The following HOXC4 variants were observed in gnomAD, a reference collection of about 807,000 sequenced individuals.
HOXC4 encodes the protein homeobox C4.
Under a neutral mutation model 25.5 loss-of-function variants are expected in HOXC4, and 15 were observed. That is an observed-to-expected ratio of 0.59 (90% CI 0.39 to 0.91). The LOEUF (loss-of-function observed/expected upper bound fraction) is 0.91, where lower values mean the gene tolerates loss of function less well. Ranked by LOEUF, HOXC4 falls within the 40% of genes least tolerant of loss-of-function variation. HOXC4 has a pLI of 0.00. For missense variants in HOXC4, 342 were observed against 352.4 expected, an observed-to-expected ratio of 0.97 and a Z score of 0.24; for synonymous variants, 165 against 148.0, an observed-to-expected ratio of 1.11 and a Z score of -0.83.
In HOXC4 at chr12:54,054,932, G is replaced by A; in HGVS notation, c.522G>A (p.Glu174=). 12 of 1,614,074 alleles carry A rather than the reference G, an allele frequency of 7.4e-6. No homozygotes were observed. The highest frequency in any genetic ancestry group is 1.0e-5 in the Non-Finnish European group (12 of 1,180,026). The part of the protein sequence containing the change: ...TRQQVLELEK[E]FHYNRYLTRR... ...AGCAAGTCCTGGAATTAGAGAAAGA[G>A]TTTCATTACAACCGCTACCTGACCC... Residue 174 remains glutamate (E), a synonymous_variant, in exon 2 of 2, where the codon GAG becomes GAA. Coordinates refer to ENST00000430889, the MANE Select transcript of HOXC4 (RefSeq NM_153633.3).
At chr12:54,034,551 C>G in intron 1 of HOXC4, 1 of 1,388,562 alleles carries the variant, frequency 7.2e-7, no homozygotes, top group South Asian at 1.2e-5. Flanking sequence ...CTGCGCCTTT[C>G]CTTTTCGCCT....
chr12:54,031,454 T>A lies in HOXC4; in HGVS notation c.-124+14040T>A, dbSNP rs140462456. On this transcript the variant is annotated intron_variant, in intron 1 of 3. Coordinates refer to the HOXC4 transcript ENST00000303406. Reference sequence around the variant, plus strand: ...TACTCCTGACGTGGCCGGGACAAAATTCCTTCTTCATTACAGCTCCAGCCG... The same window carrying A: ...TACTCCTGACGTGGCCGGGACAAAAATCCTTCTTCATTACAGCTCCAGCCG... Among the ~76,000 whole-genome samples, 441 of 152,240 alleles carry A rather than the reference T, an allele frequency of 2.9e-3. 3 individuals are homozygous for A. The highest frequency in any genetic ancestry group is 9.7e-3 in the African/African-American group (404 of 41,522).
intron 1 of HOXC4, among the ~76,000 whole-genome samples, chr12:54,044,965 T>A (rs1937669443): frequency 6.6e-6 from 1 of 152,182 alleles, no homozygotes; most frequent in African/African-American, 2.4e-5. Context: ...CAGGAAGCTT[T>A]CAGGCCCAGG....
chr12:54,040,738 A>G (rs771280258), intron 1 of HOXC4, among the ~76,000 whole-genome samples: 11 of 152,206 alleles, frequency 7.2e-5, no homozygotes. Context: ...CCATACACTT[A>G]CAAGTATTCA....
At chr12:54,045,031 A>G (rs1024815592) in intron 1 of HOXC4, among the ~76,000 whole-genome samples, 3 of 152,184 alleles carry the variant, frequency 2.0e-5, no homozygotes, top group Non-Finnish European at 4.4e-5. Flanking sequence ...GAAATATGTC[A>G]TAGATTATAT....
At chr12:54,033,882 G>T in intron 1 of HOXC4, 1 of 490,394 alleles carries the variant, frequency 2.0e-6, no homozygotes, top group Non-Finnish European at 3.8e-6. Flanking sequence ...ATCCCCCCGC[G>T]GCTCCCTCCC....
chr12:54,041,910 G>A (rs958773286), intron 1 of HOXC4, among the ~76,000 whole-genome samples: 2 of 151,338 alleles, frequency 1.3e-5, no homozygotes, highest in Admixed American at 6.6e-5. Context: ...TAATCCACAC[G>A]CCTCATCCTC....
rs780924215 is a variant in HOXC4 at position 54,054,840 on chromosome 12, CT to C, written c.440-9del. ...CTGAACCCCACTATTTGCTTTTCCC[CT>C]CCCCCCAGTGAACCCCAATTATAAC... On this transcript the variant is annotated splice_polypyrimidine_tract_variant and intron_variant, in intron 1 of 1. Coordinates refer to ENST00000430889, the MANE Select transcript of HOXC4 (RefSeq NM_153633.3). 1.7e-5 allele frequency: 27 copies of C among 1,588,922 alleles called. No individual in the cohort carries two copies. The East Asian group carries it at 2.0e-4, about 12-fold the overall frequency.
At chr12:54,023,794 G>C (rs1452437783) in intron 1 of HOXC4, among the ~76,000 whole-genome samples, 2 of 152,138 alleles carry the variant, frequency 1.3e-5, no homozygotes, top group African/African-American at 4.8e-5. Flanking sequence ...GTGTGTAGCG[G>C]GGGCAGGTAT....
At chr12:54,035,462 T>A (rs1437055884) in intron 1 of HOXC4, 2 of 152,336 alleles carry the variant, frequency 1.3e-5, no homozygotes, top group Non-Finnish European at 2.9e-5. Context: ...GCCACCCCTT[T>A]AAAAAATTTT....
At chr12:54,024,552 C>G (rs916704568) in intron 1 of HOXC4, among the ~76,000 whole-genome samples, 5 of 152,214 alleles carry the variant, frequency 3.3e-5, no homozygotes, top group Admixed American at 6.5e-5. Context: ...TCTCATCCCT[C>G]TCACTTCAAA....
chr12:54,028,445 C>A, intron 1 of HOXC4: 1 of 1,477,318 alleles, frequency 6.8e-7, no homozygotes, highest in Non-Finnish European at 9.2e-7. Context: ...TCCCTATAAC[C>A]ATCTAGTTCC....
chr12:54,033,252 G>T (rs1941056740), intron 1 of HOXC4: 3 of 1,614,156 alleles, frequency 1.9e-6, no homozygotes, highest in Non-Finnish European at 2.5e-6. Flanking sequence ...CGGCGGATTG[G>T]ACTTAAGCAT....
At chr12:54,028,915 C>T (rs1449386202) in intron 1 of HOXC4, 1 of 1,608,770 alleles carries the variant, frequency 6.2e-7, no homozygotes, top group Non-Finnish European at 8.5e-7. Flanking sequence ...AATGAATTCG[C>T]ACAGTGGTGA....
chr12:54,044,855 C>G (rs946202273), intron 1 of HOXC4, among the ~76,000 whole-genome samples: 3 of 152,160 alleles, frequency 2.0e-5, no homozygotes. Flanking sequence ...TCCCCCACCC[C>G]CTGGCTGGCA....
intron 1 of HOXC4, among the ~76,000 whole-genome samples, chr12:54,037,624 C>T (rs1486803674): frequency 1.3e-5 from 2 of 152,326 alleles, no homozygotes; most frequent in Non-Finnish European, 2.9e-5. Context: ...CCCTCTCCCC[C>T]CTCTCCACCC....
At chr12:54,050,897 C>A (rs74445589), upstream of HOXC4, among the ~76,000 whole-genome samples, 1 of 152,040 alleles carries the variant, frequency 6.6e-6, no homozygotes, top group East Asian at 1.9e-4. Flanking sequence ...ATAGTGTGCA[C>A]GCATATATGT....
intron 1 of HOXC4, among the ~76,000 whole-genome samples, chr12:54,046,630 C>A: frequency 6.6e-6 from 1 of 152,020 alleles, no homozygotes; most frequent in East Asian, 1.9e-4. Context: ...ATAAGCAGAG[C>A]AATGTTTATT....
intron 1 of HOXC4, chr12:54,020,801 A>G (rs1940400089): frequency 6.6e-6 from 1 of 152,144 alleles, no homozygotes. Context: ...CCAGTAACCA[A>G]TGGATGCCAT....
Sources: gnomAD v4.1 joint callset for allele counts (sites outside exome capture counted in the v4.1 genomes callset) on GRCh38, gnomAD v4.1.1 for gene constraint, MANE v1.5 for transcripts, NCBI Gene and HGNC (gene_info 2026-07-23, HGNC 2026-07-21) for gene names.